Variants in ADGRB1 observed in about 807,000 individuals in gnomAD.
ADGRB1 encodes brain-specific angiogenesis inhibitor 1.
Under a neutral mutation model 175.7 loss-of-function variants are expected in ADGRB1, and 36 were observed. That is an observed-to-expected ratio of 0.20 (90% CI 0.16 to 0.27). The LOEUF (loss-of-function observed/expected upper bound fraction) is 0.27. Among genes scored for constraint, ADGRB1 ranks in the 10% least tolerant of loss-of-function variants. The probability of loss-of-function intolerance (pLI) is 1.00; values close to 1 mark genes in which losing one functional copy is unlikely to be tolerated. For synonymous variants in ADGRB1, 1,054 were observed against 979.4 expected (o/e 1.08, Z -1.42); for missense variants, 1,731 against 2,255.3 (o/e 0.77, Z 4.71).
intron 13 of ADGRB1, among the ~76,000 whole-genome samples, chr8:142,485,932 T>A (rs1319278042): frequency 1.3e-5 from 2 of 152,192 alleles, no homozygotes; most frequent in Non-Finnish European, 2.9e-5. Context: ...AGGCAGCCCA[T>A]GAGAGACAGA....
At chr8:142,495,207 C>T (rs1040760492) in intron 17 of ADGRB1, among the ~76,000 whole-genome samples, 6 of 151,932 alleles carry the variant, frequency 3.9e-5, no homozygotes, top group Non-Finnish European at 7.4e-5. Context: ...GGGATGCACC[C>T]AGGGTGCAGC....
chr8:142,522,165 A>C (rs770500033), intron 21 of ADGRB1, 50 bp downstream of exon 21: 2 of 1,580,914 alleles, frequency 1.3e-6, no homozygotes, highest in Non-Finnish European at 1.7e-6. Context: ...TTCCTCCCCC[A>C]CTGCTTGTTC....
intron 1 of ADGRB1, among the ~76,000 whole-genome samples, chr8:142,451,979 G>A (rs992681604): frequency 2.0e-4 from 30 of 152,290 alleles, no homozygotes; most frequent in African/African-American, 5.8e-4. Context: ...GAAGGAGGGG[G>A]CGGGGGTTCC....
At chr8:142,538,687 C>T (rs58624742) in intron 26 of ADGRB1, among the ~76,000 whole-genome samples, 17,353 of 152,216 alleles carry the variant, frequency 0.11, 1,303 homozygotes, top group East Asian at 0.31. Flanking sequence ...GGGTCTGGGC[C>T]GCCCACTCCT....
chr8:142,469,701 CTG>C (rs1261589318), intron 2 of ADGRB1, among the ~76,000 whole-genome samples: 2 of 131,278 alleles, frequency 1.5e-5, no homozygotes, highest in East Asian at 2.5e-4. Context: ...GTGTGCGTGC[CTG>C]TGTGTGAATG....
At chr8:142,462,964 C>T (rs1840051345) in intron 1 of ADGRB1, among the ~76,000 whole-genome samples, 1 of 152,200 alleles carries the variant, frequency 6.6e-6, no homozygotes, top group South Asian at 2.1e-4. Flanking sequence ...AGTGGGCAGT[C>T]ACTCAACCTG....
chr8:142,456,695 A>C (rs1287791951), intron 1 of ADGRB1, among the ~76,000 whole-genome samples: 1 of 152,188 alleles, frequency 6.6e-6, no homozygotes, highest in East Asian at 1.9e-4. Flanking sequence ...GCTCCTCCCA[A>C]ATGCTGGGCC....
intron 24 of ADGRB1, among the ~76,000 whole-genome samples, chr8:142,528,634 G>A (rs1844383631): frequency 6.6e-6 from 1 of 151,192 alleles, no homozygotes; most frequent in African/African-American, 2.4e-5. Context: ...GACGCCACCA[G>A]TAACGCCATG....
Position 142,478,379 on chromosome 8 carries a change from T to A in ADGRB1, c.1561+19T>A. 6.3e-7 allele frequency: 1 copy of A among 1,577,632 alleles called. No homozygotes were observed. ...TGCCCAGGTCAGGGGTGCGCCAGGC[T>A]GGGGTCGGGGGGCACCTAACAAGCA... On this transcript the variant is annotated intron_variant, in intron 7 of 30. Coordinates refer to ENST00000517894, the MANE Select transcript of ADGRB1 (RefSeq NM_001702.3).
intron 12 of ADGRB1, 134 bp from the exon 13 acceptor site, chr8:142,484,522 G>A: frequency 1.1e-6 from 1 of 911,228 alleles, no homozygotes; most frequent in Non-Finnish European, 1.6e-6. Context: ...GGGGTACTCA[G>A]AGGTCACCAG....
intron 17 of ADGRB1, among the ~76,000 whole-genome samples, chr8:142,506,552 G>T (rs1842862274): frequency 6.6e-6 from 1 of 152,210 alleles, no homozygotes; most frequent in Non-Finnish European, 1.5e-5. Flanking sequence ...ACGAGAGGTG[G>T]CAAATGGTCT....
intron 18 of ADGRB1, 63 bp from the exon 19 acceptor site, chr8:142,518,075 C>G: frequency 6.5e-7 from 1 of 1,528,712 alleles, no homozygotes. Context: ...TCTCAGTCTT[C>G]GGGTCTGCCG....
intron 1 of ADGRB1, among the ~76,000 whole-genome samples, chr8:142,463,163 G>A (rs980909245): frequency 1.3e-5 from 2 of 152,196 alleles, no homozygotes; most frequent in East Asian, 3.9e-4. Flanking sequence ...GAGGTGAGGT[G>A]GCTCCTGGTG....
At chr8:142,500,904 T>C (rs62513276) in intron 17 of ADGRB1, among the ~76,000 whole-genome samples, 1,665 of 152,148 alleles carry the variant, frequency 0.011, 13 homozygotes, top group Non-Finnish European at 0.018. Context: ...GGCAGGGGTG[T>C]CAGGTGTGAC....
chr8:142,544,890 C>A lies in ADGRB1; in HGVS notation c.*473C>A. The A allele has an allele frequency of 6.5e-6, 1 of 153,806 alleles. No homozygotes were observed. The highest frequency in any genetic ancestry group is 1.5e-5 in the Non-Finnish European group (1 of 68,884). 9.5% of individuals were successfully genotyped at this position (153,806 alleles called of 1,614,324 possible). A position where few individuals can be genotyped will look rare whatever the true frequency, so the allele number is the denominator to read the frequency against. On this transcript the variant is annotated 3_prime_UTR_variant, in exon 31 of 31. Coordinates refer to ENST00000517894, the MANE Select transcript of ADGRB1 (RefSeq NM_001702.3). Reference sequence around the variant, plus strand: ...CCCTCCTAGACCCAGGTGGAGGGCACAGCCCTCCGACCCTCATGGCCCCCA... The same window carrying A: ...CCCTCCTAGACCCAGGTGGAGGGCAAAGCCCTCCGACCCTCATGGCCCCCA...
In ADGRB1 at chr8:142,458,188, C is replaced by T. The variant is rs186501584; in HGVS notation, c.-219-5792C>T. Among the ~76,000 whole-genome samples the T allele has an allele frequency of 5.3e-5, 8 of 152,230 alleles. No homozygotes were observed. In the East Asian group the frequency reaches 1.2e-3, roughly 22 times the overall value. ...TGTCCAGTGTGGACTGGACCCAGAG[C>T]GGGCATGGGGTGCCGAGCCTCATGG... On this transcript the variant is annotated intron_variant, in intron 1 of 30. Coordinates refer to ENST00000517894, the MANE Select transcript of ADGRB1 (RefSeq NM_001702.3).
intron 2 of ADGRB1, among the ~76,000 whole-genome samples, chr8:142,469,183 A>G (rs367831013): frequency 0.15 from 21,930 of 148,152 alleles, 1,700 homozygotes; most frequent in East Asian, 0.2. Context: ...ATGTGTGTGA[A>G]TGTGTGCACA....
intron 25 of ADGRB1, among the ~76,000 whole-genome samples, chr8:142,535,943 G>A (rs770417536): frequency 1.3e-5 from 2 of 152,186 alleles, no homozygotes; most frequent in Non-Finnish European, 2.9e-5. Context: ...CCCTGCCTCT[G>A]ACCAGCTGTG....
chr8:142,509,891 G>A (rs890269437), intron 17 of ADGRB1, among the ~76,000 whole-genome samples: 4 of 152,156 alleles, frequency 2.6e-5, no homozygotes, highest in African/African-American at 9.7e-5. Context: ...CTTGGGTGGG[G>A]CTGGGGACTC....
Sources: gnomAD v4.1 joint callset for allele counts (sites outside exome capture counted in the v4.1 genomes callset) on GRCh38, gnomAD v4.1.1 for gene constraint, MANE v1.5 for transcripts, NCBI Gene and HGNC (gene_info 2026-07-23, HGNC 2026-07-21) for gene names.